CACNA2D3: variants seen among roughly 807,000 people sequenced by gnomAD.
CACNA2D3 encodes the protein calcium voltage-gated channel auxiliary subunit alpha2delta 3, also known as voltage-dependent calcium channel subunit alpha-2/delta-3.
Under a neutral mutation model 160.6 loss-of-function variants are expected in CACNA2D3, and 60 were observed. The observed-to-expected ratio is 0.37, with a 90% confidence interval of 0.30 to 0.46. The LOEUF (loss-of-function observed/expected upper bound fraction) is 0.46. Ranked by LOEUF, CACNA2D3 falls within the 20% of genes least tolerant of loss-of-function variation. The pLI, the probability that CACNA2D3 is intolerant of heterozygous loss-of-function variation, is 1.00. For synonymous variants in CACNA2D3, 558 were observed against 492.9 expected, an observed-to-expected ratio of 1.13 and a Z score of -1.75; for missense variants, 1,205 against 1,365.0, an observed-to-expected ratio of 0.88 and a Z score of 1.85.
At chr3:54,711,948 T>C (rs566109947) in intron 11 of CACNA2D3, among the ~76,000 whole-genome samples, 2 of 152,298 alleles carry the variant, frequency 1.3e-5, no homozygotes, top group South Asian at 2.1e-4. Context: ...ATTAAACTTA[T>C]CAAATACAGC....
rs551562335 is a variant in CACNA2D3 at position 54,464,123 on chromosome 3, C to G, written c.382-39369C>G. On this transcript the variant is annotated intron_variant, in intron 4 of 37. Transcript: ENST00000474759. ...CCACGAATGCTGCTGTCTGATCGTT[C>G]CTCTGGAAGTTTTGTCTCAGAGGAG... Among the ~76,000 whole-genome samples, 122 of 152,300 alleles carry G rather than the reference C, an allele frequency of 8.0e-4. 1 individual carries two copies. The highest frequency in any genetic ancestry group is 3.4e-3 in the Middle Eastern group (1 of 294).
At chr3:54,838,756 C>T in intron 16 of CACNA2D3, 108 bp downstream of exon 16, 3 of 813,506 alleles carry the variant, frequency 3.7e-6, no homozygotes, top group South Asian at 2.8e-5. Context: ...TTTTGCTCAC[C>T]ACTATTACAG....
chr3:54,340,093 T>G (rs1215795049), intron 3 of CACNA2D3, among the ~76,000 whole-genome samples: 1 of 152,188 alleles, frequency 6.6e-6, no homozygotes, highest in Non-Finnish European at 1.5e-5. Context: ...TTAGAAAACT[T>G]AGGTTATGGG....
At chr3:54,179,012 G>A (rs1000158079) in intron 2 of CACNA2D3, among the ~76,000 whole-genome samples, 1 of 152,116 alleles carries the variant, frequency 6.6e-6, no homozygotes, top group African/African-American at 2.4e-5. Context: ...GTGGCTGACA[G>A]TACCCAGCAC....
intron 17 of CACNA2D3, among the ~76,000 whole-genome samples, chr3:54,862,402 C>CACAT (rs1699311794): frequency 6.6e-6 from 1 of 151,712 alleles, no homozygotes; most frequent in Non-Finnish European, 1.5e-5. Context: ...CACACACACA[C>CACAT]ACGCACACAC....
intron 9 of CACNA2D3, among the ~76,000 whole-genome samples, chr3:54,624,806 C>G (rs1052406117): frequency 4.6e-5 from 7 of 152,162 alleles, no homozygotes; most frequent in Admixed American, 3.3e-4. Context: ...GGTGTTTCAT[C>G]ATGCTCCGTG....
At chr3:54,446,288 A>G (rs1700220619) in intron 4 of CACNA2D3, among the ~76,000 whole-genome samples, 1 of 152,116 alleles carries the variant, frequency 6.6e-6, no homozygotes. Flanking sequence ...ATGTTGGCCA[A>G]TTTGGTCAAG....
chr3:55,053,592 T>C (rs879372200), intron 35 of CACNA2D3, among the ~76,000 whole-genome samples: 1 of 151,998 alleles, frequency 6.6e-6, no homozygotes, highest in Admixed American at 6.5e-5. Flanking sequence ...AACTGCTTTT[T>C]GCTACCAAAA....
chr3:55,054,188 T>A (rs1196161530), intron 35 of CACNA2D3, among the ~76,000 whole-genome samples: 1 of 151,934 alleles, frequency 6.6e-6, no homozygotes, highest in Admixed American at 6.6e-5. Flanking sequence ...AATTCCTGTC[T>A]CTTGTTTTAG....
intron 3 of CACNA2D3, among the ~76,000 whole-genome samples, chr3:54,383,172 T>G (rs1434765115): frequency 1.3e-5 from 2 of 152,236 alleles, no homozygotes; most frequent in African/African-American, 4.8e-5. Flanking sequence ...GGTTTTCTTC[T>G]TAAATAACAT....
At chr3:54,566,245 C>T (rs1376144694) in intron 6 of CACNA2D3, among the ~76,000 whole-genome samples, 1 of 152,184 alleles carries the variant, frequency 6.6e-6, no homozygotes, top group Non-Finnish European at 1.5e-5. Flanking sequence ...TAGTACCTGC[C>T]CTTTCCACCC....
intron 2 of CACNA2D3, 35 bp downstream of exon 2, chr3:54,123,629 T>C (rs1431569389): frequency 6.4e-7 from 1 of 1,555,222 alleles, no homozygotes; most frequent in Non-Finnish European, 8.9e-7. Context: ...GCGATGATTT[T>C]TCCGGCACAG....
chr3:54,444,323 C>T (rs1309681825), intron 4 of CACNA2D3, among the ~76,000 whole-genome samples: 3 of 152,132 alleles, frequency 2.0e-5, no homozygotes, highest in Admixed American at 6.6e-5. Context: ...CTTGGAAATT[C>T]AGGGTGGCCC....
chr3:54,441,331 G>T (rs767372896), intron 4 of CACNA2D3, among the ~76,000 whole-genome samples: 2 of 152,118 alleles, frequency 1.3e-5, no homozygotes, highest in South Asian at 4.1e-4. Context: ...TTTTGTTGGG[G>T]TTGTTTGTTT....
At chr3:54,670,374 A>G (rs1468080661) in intron 11 of CACNA2D3, among the ~76,000 whole-genome samples, 1 of 152,222 alleles carries the variant, frequency 6.6e-6, no homozygotes, top group Non-Finnish European at 1.5e-5. Flanking sequence ...ATTACAGCCC[A>G]TACAGCAGTT....
chr3:54,820,642 G>A (rs138459698), intron 14 of CACNA2D3, among the ~76,000 whole-genome samples: 152 of 152,236 alleles, frequency 1.0e-3, no homozygotes, highest in African/African-American at 2.8e-3. Flanking sequence ...CTTTCAAGGC[G>A]TCACAAATTC....
At chr3:54,841,636 GT>G (rs1698821703) in intron 16 of CACNA2D3, among the ~76,000 whole-genome samples, 1 of 152,182 alleles carries the variant, frequency 6.6e-6, no homozygotes, top group Non-Finnish European at 1.5e-5. Flanking sequence ...GGCTCTTGGG[GT>G]TTTCCCAGAA....
intron 25 of CACNA2D3, among the ~76,000 whole-genome samples, chr3:54,892,121 T>G (rs1700083416): frequency 6.6e-6 from 1 of 152,220 alleles, no homozygotes; most frequent in African/African-American, 2.4e-5. Context: ...GTAGGTAGAC[T>G]GTGAAGTCTT....
At chr3:54,801,858 AT>A (rs1451936313) in intron 13 of CACNA2D3, among the ~76,000 whole-genome samples, 1 of 152,224 alleles carries the variant, frequency 6.6e-6, no homozygotes, top group Non-Finnish European at 1.5e-5. Context: ...AGAAATCACT[AT>A]TAAATTATGT....
Sources: gnomAD v4.1 joint callset for allele counts (sites outside exome capture counted in the v4.1 genomes callset) on GRCh38, gnomAD v4.1.1 for gene constraint, MANE v1.5 for transcripts, NCBI Gene and HGNC (gene_info 2026-07-23, HGNC 2026-07-21) for gene names.